The following KCNAB1 variants were observed in gnomAD, a reference collection of about 807,000 sequenced individuals.
KCNAB1 encodes potassium voltage-gated channel subfamily A regulatory beta subunit 1.
Under a neutral mutation model 64.6 loss-of-function variants are expected in KCNAB1, and 35 were observed. That is an observed-to-expected ratio of 0.54 (90% CI 0.41 to 0.72). The LOEUF is 0.72. Ranked by LOEUF, KCNAB1 falls within the 30% of genes least tolerant of loss-of-function variation. The probability of loss-of-function intolerance (pLI) is 0.00; values close to 1 mark genes in which losing one functional copy is unlikely to be tolerated. For missense variants in KCNAB1, 401 were observed against 512.9 expected (o/e 0.78, Z 2.11); for synonymous variants, 177 against 183.8 (o/e 0.96, Z 0.30).
Position 156,154,503 on chromosome 3 carries a change from C to T in KCNAB1, c.275+33617C>T, listed in dbSNP as rs188696500. Among the ~76,000 whole-genome samples, 767 of 152,228 alleles carry T rather than the reference C, an allele frequency of 5.0e-3. 3 individuals are homozygous for T. The highest frequency in any genetic ancestry group is 5.5e-3 in the Non-Finnish European group (375 of 68,028). The stretch of plus-strand genomic sequence containing the variant: ...TACCTGTTGGGATTCCTAGCTGACT[C>T]GTCCTCCTAGATAAATGCGCCAGAG... On this transcript the variant is annotated intron_variant, in intron 1 of 13. Coordinates refer to ENST00000490337, the MANE Select transcript of KCNAB1 (RefSeq NM_172160.3).
At chr3:156,340,713 A>G (rs1342832993) in intron 1 of KCNAB1, among the ~76,000 whole-genome samples, 1 of 152,200 alleles carries the variant, frequency 6.6e-6, no homozygotes, top group Non-Finnish European at 1.5e-5. Flanking sequence ...CACCACCTCC[A>G]TCTTCAGTGG....
chr3:156,489,947 G>A (rs1187296521), intron 8 of KCNAB1, among the ~76,000 whole-genome samples: 1 of 152,110 alleles, frequency 6.6e-6, no homozygotes, highest in East Asian at 1.9e-4. Flanking sequence ...TTTAAAAGAG[G>A]ATACAGAGCT....
intron 1 of KCNAB1, among the ~76,000 whole-genome samples, chr3:156,293,815 A>T (rs986855175): frequency 6.6e-6 from 1 of 152,196 alleles, no homozygotes; most frequent in Non-Finnish European, 1.5e-5. Context: ...GCTGTGGCAC[A>T]CACGCAGCCC....
At chr3:156,143,244 T>C (rs1560105566) in intron 1 of KCNAB1, 1 of 1,613,770 alleles carries the variant, frequency 6.2e-7, no homozygotes, top group Non-Finnish European at 8.5e-7. Flanking sequence ...CAAAATCCAG[T>C]GAATCGGCTC....
At chr3:156,497,974 T>C (rs1489569563) in intron 8 of KCNAB1, among the ~76,000 whole-genome samples, 2 of 152,184 alleles carry the variant, frequency 1.3e-5, no homozygotes, top group Non-Finnish European at 2.9e-5. Flanking sequence ...TGGTATAGCA[T>C]GTCTAAACAA....
chr3:156,503,511 T>C (rs1716601152), intron 8 of KCNAB1, among the ~76,000 whole-genome samples: 5 of 152,200 alleles, frequency 3.3e-5, no homozygotes, highest in Admixed American at 2.0e-4. Context: ...GGGAGAGTTG[T>C]ACAAGGAGTG....
intron 1 of KCNAB1, among the ~76,000 whole-genome samples, chr3:156,242,267 C>T (rs1434189000): frequency 6.6e-6 from 1 of 152,010 alleles, no homozygotes; most frequent in African/African-American, 2.4e-5. Flanking sequence ...CTTGCTGGTG[C>T]TTCTGTTATT....
chr3:156,156,025 C>T (rs1213423161), intron 1 of KCNAB1, among the ~76,000 whole-genome samples: 5 of 152,040 alleles, frequency 3.3e-5, no homozygotes, highest in Admixed American at 1.3e-4. Flanking sequence ...CATGTAGACA[C>T]GGCTGACTAC....
intron 1 of KCNAB1, among the ~76,000 whole-genome samples, chr3:156,220,988 G>T (rs965148373): frequency 2.6e-5 from 4 of 152,204 alleles, no homozygotes; most frequent in Non-Finnish European, 1.5e-5. Flanking sequence ...TTTCCCCATT[G>T]CTTGTTTTTG....
chr3:156,532,572 G>A (rs1718776499), intron 13 of KCNAB1, among the ~76,000 whole-genome samples: 1 of 152,138 alleles, frequency 6.6e-6, no homozygotes, highest in Admixed American at 6.6e-5. Flanking sequence ...CAACAAACAT[G>A]ATTTAAAATC....
intron 2 of KCNAB1, among the ~76,000 whole-genome samples, chr3:156,423,287 G>C (rs1490273258): frequency 6.6e-6 from 1 of 152,198 alleles, no homozygotes; most frequent in Non-Finnish European, 1.5e-5. Flanking sequence ...AAATGATGCG[G>C]AAAAAGGAGA....
At chr3:156,199,466 C>T (rs1172574295) in intron 1 of KCNAB1, among the ~76,000 whole-genome samples, 1 of 152,120 alleles carries the variant, frequency 6.6e-6, no homozygotes, top group Non-Finnish European at 1.5e-5. Flanking sequence ...TCAATTGTAG[C>T]TTTGGTCTTT....
chr3:156,526,715 G>A (rs868552823), intron 12 of KCNAB1, among the ~76,000 whole-genome samples: 3 of 152,122 alleles, frequency 2.0e-5, no homozygotes, highest in Non-Finnish European at 4.4e-5. Context: ...ATAACAATCC[G>A]CGGAGGTCTA....
chr3:156,199,886 A>C (rs1022911513), intron 1 of KCNAB1, among the ~76,000 whole-genome samples: 10 of 152,174 alleles, frequency 6.6e-5, no homozygotes, highest in African/African-American at 2.4e-4. Context: ...GATCCTTTGG[A>C]GGAGAAGAGG....
At chr3:156,375,672 G>A (rs1409058498) in intron 1 of KCNAB1, among the ~76,000 whole-genome samples, 2 of 135,526 alleles carry the variant, frequency 1.5e-5, no homozygotes, top group Admixed American at 6.9e-5. Context: ...ATTGATATTA[G>A]GAAGAAAAGT....
At chr3:156,256,791 T>G (rs1190282213) in intron 1 of KCNAB1, among the ~76,000 whole-genome samples, 8 of 152,232 alleles carry the variant, frequency 5.3e-5, no homozygotes, top group Admixed American at 4.6e-4. Context: ...GTCCTGTGCT[T>G]CTTTGGTCTC....
At chr3:156,447,942 GT>G (rs377039210) in intron 2 of KCNAB1, among the ~76,000 whole-genome samples, 844 of 152,320 alleles carry the variant, frequency 5.5e-3, no homozygotes, top group South Asian at 9.7e-3. Flanking sequence ...TGGTAAACAT[GT>G]TTTTTGAATG....
Position 156,537,130 on chromosome 3 carries a change from G to T in KCNAB1, c.*383G>T. 1 of 400,160 alleles carries T rather than the reference G, an allele frequency of 2.5e-6. No individual in the cohort carries two copies. 24.8% of individuals were successfully genotyped at this position (400,160 alleles called of 1,614,324 possible). A position where few individuals can be genotyped will look rare whatever the true frequency, so the allele number is the denominator to read the frequency against. ...AATCCACAGATGCAATGTGAGTTGCGTAAGAAACAGAGTAGATAGACTAAA... is the reference window on the plus strand; with the variant it reads ...AATCCACAGATGCAATGTGAGTTGCTTAAGAAACAGAGTAGATAGACTAAA... On this transcript the variant is annotated 3_prime_UTR_variant, in exon 14 of 14. Transcript: ENST00000490337.
chr3:156,137,215 T>C (rs1428275219), intron 1 of KCNAB1, among the ~76,000 whole-genome samples: 4 of 77,314 alleles, frequency 5.2e-5, no homozygotes, highest in Admixed American at 1.6e-4. Context: ...GTATGTATCA[T>C]ACATTGGTGG....
Sources: allele counts gnomAD v4.1 joint callset (sites outside exome capture counted in the v4.1 genomes callset), GRCh38; gene constraint gnomAD v4.1.1; transcripts MANE v1.5; gene names NCBI Gene and HGNC (gene_info 2026-07-23, HGNC 2026-07-21).